The following ANKRD36C variants were observed in gnomAD, a reference collection of about 807,000 sequenced individuals.
The protein encoded by ANKRD36C is ankyrin repeat domain-containing protein 36C.
Under a neutral mutation model 276.4 loss-of-function variants are expected in ANKRD36C, and 61 were observed. The observed-to-expected ratio is 0.22, with a 90% CI of 0.18 to 0.27. The LOEUF is 0.27. Among genes scored for constraint, ANKRD36C ranks in the 10% least tolerant of loss-of-function variants. The pLI is 1.00. For missense variants in ANKRD36C, 1,447 were observed against 2,032.3 expected, an observed-to-expected ratio of 0.71 and a Z score of 5.54; for synonymous variants, 483 against 680.1, an observed-to-expected ratio of 0.71 and a Z score of 4.51.
At chr2:95,983,044 G>A (rs1249467659) in intron 3 of ANKRD36C, among the ~76,000 whole-genome samples, 7 of 151,708 alleles carry the variant, frequency 4.6e-5, no homozygotes, top group Admixed American at 2.0e-4. Flanking sequence ...CAGTAAAGGT[G>A]GAGGTTTCCT....
At chr2:95,858,688 T>C (rs1404201033) in intron 61 of ANKRD36C, among the ~76,000 whole-genome samples, 5 of 152,158 alleles carry the variant, frequency 3.3e-5, no homozygotes, top group Admixed American at 2.6e-4. Flanking sequence ...ATTTACATTG[T>C]AAGATAGCAT....
At chr2:95,946,364 T>A (rs1678050568) in intron 17 of ANKRD36C, among the ~76,000 whole-genome samples, 1 of 146,478 alleles carries the variant, frequency 6.8e-6, no homozygotes. Context: ...TGAGATACCA[T>A]CTCACACCAG....
intron 59 of ANKRD36C, 109 bp from the exon 80 acceptor site, chr2:95,867,690 T>G: frequency 2.0e-6 from 3 of 1,512,792 alleles, no homozygotes; most frequent in Non-Finnish European, 2.7e-6. Flanking sequence ...CAAACACAGG[T>G]ACCTGTTCTG....
chr2:95,966,956 C>T (rs1678604829), intron 6 of ANKRD36C, among the ~76,000 whole-genome samples: 1 of 152,022 alleles, frequency 6.6e-6, no homozygotes, highest in South Asian at 2.1e-4. Context: ...TGATTTAGTG[C>T]TCTATTACTG....
At chr2:95,959,668 C>A (rs867133072) in intron 10 of ANKRD36C, among the ~76,000 whole-genome samples, 1 of 152,166 alleles carries the variant, frequency 6.6e-6, no homozygotes, top group Admixed American at 6.5e-5. Flanking sequence ...TCATGTCATT[C>A]TCTAAAGTAT....
intron 42 of ANKRD36C, 101 bp from the exon 53 acceptor site, chr2:95,903,182 A>G (rs1676707738): frequency 6.6e-7 from 1 of 1,507,754 alleles, no homozygotes; most frequent in Admixed American, 2.0e-5. Flanking sequence ...TCCTGCCTGT[A>G]TTAGCGTAGG....
chr2:95,983,094 G>C (rs1004808003), intron 3 of ANKRD36C, among the ~76,000 whole-genome samples: 8 of 151,098 alleles, frequency 5.3e-5, no homozygotes, highest in Non-Finnish European at 1.0e-4. Context: ...TCTATCGATG[G>C]TGTGAGAATC....
At chr2:95,920,473 C>T (rs1445885129) in intron 34 of ANKRD36C, among the ~76,000 whole-genome samples, 1 of 132,414 alleles carries the variant, frequency 7.6e-6, no homozygotes, top group Admixed American at 7.9e-5. Flanking sequence ...TTGCTGATAC[C>T]TAGTAGATAA....
chr2:95,871,303 C>G (rs1265004027), intron 59 of ANKRD36C, among the ~76,000 whole-genome samples: 1 of 152,160 alleles, frequency 6.6e-6, no homozygotes, highest in Non-Finnish European at 1.5e-5. Flanking sequence ...GCCCATCAGA[C>G]TAACAGTGGA....
intron 3 of ANKRD36C, chr2:95,986,536 A>G: frequency 1.7e-6 from 1 of 573,310 alleles, no homozygotes; most frequent in Non-Finnish European, 2.9e-6. Flanking sequence ...TTGTATAATT[A>G]TTTACCATAA....
rs768944621 is a variant in ANKRD36C, at chr2:95,897,318, G to C, written c.2755+1827C>G. The C allele has an allele frequency of 1.0e-4, 157 of 1,545,064 alleles. 3 individuals are homozygous for C. Among genetic ancestry groups the C allele is most frequent in the African/African-American group, 8.7e-4 (63 of 72,488 alleles). The stretch of plus-strand genomic sequence containing the variant: ...TTTTTTCCTCTGGCTATATTCAAAA[G>C]AGAATCTTTCTCATCTCTTGTAGCC... On this transcript the variant is annotated intron_variant, in intron 44 of 66. Transcript: ENST00000456556.
chr2:95,855,844 C>T lies in ANKRD36C; in HGVS notation c.4417G>A (p.Ala1473Thr), dbSNP rs1199573618. ...CTTTGATCATGATCACATAGAGCAG[C>T]ATTCAGTCTACAACGGTATGATTGC... Residue 1473 changes from alanine (A) to threonine (T), a missense_variant, in exon 63 of 67, where the codon GCT becomes ACT. Physicochemically the swap from Ala to Thr is moderately conservative, Grantham distance 58 (BLOSUM62 0). This residue lies in a region of ANKRD36C where 437 missense variants were observed against 641.0 expected (regional missense o/e 0.68). Coordinates refer to ENST00000456556, the Ensembl canonical transcript of ANKRD36C. 5 of 1,613,772 alleles carry T rather than the reference C, an allele frequency of 3.1e-6. No homozygotes were observed. In the African/African-American group the frequency reaches 6.7e-5, roughly 22 times the overall value.
chr2:95,857,362 C>A lies in ANKRD36C; in HGVS notation c.4027G>T (p.Ala1343Ser), dbSNP rs774074152. ...AATTCCACCTCTGCTGATTTGAGAG[C>A]CGGTTTAATTGGTTTTGTCACATCA... is the stretch of plus-strand genomic sequence containing the variant. The change falls in exon 62 of 67, where the codon GCT becomes TCT. Residue 1343 changes from alanine (A) to serine (S), a missense_variant. By Grantham distance (99) the Ala-to-Ser change is moderately conservative (BLOSUM62 1). This residue lies in a region of ANKRD36C where 437 missense variants were observed against 641.0 expected (regional missense o/e 0.68). Transcript: ENST00000456556. 21 of 1,607,838 alleles carry A rather than the reference C, an allele frequency of 1.3e-5. 1 individual carries two copies. The highest frequency in any genetic ancestry group is 8.0e-5 in the African/African-American group (6 of 74,664).
At chr2:95,938,534 T>C (rs79109702) in intron 22 of ANKRD36C, among the ~76,000 whole-genome samples, 30 of 151,694 alleles carry the variant, frequency 2.0e-4, no homozygotes, top group Non-Finnish European at 2.1e-4. Context: ...ACTGAAAATA[T>C]TTAGTGTCAA....
intron 12 of ANKRD36C, 111 bp downstream of exon 12, chr2:95,958,480 C>G (rs1678382224): frequency 1.4e-6 from 2 of 1,383,254 alleles, no homozygotes; most frequent in East Asian, 2.5e-5. Flanking sequence ...ATCTCAGGCC[C>G]GCTGAATCAG....
chr2:95,988,150 CAA>C (rs201835162), intron 1 of ANKRD36C, among the ~76,000 whole-genome samples: 8 of 105,392 alleles, frequency 7.6e-5, no homozygotes, highest in Admixed American at 2.7e-4. Flanking sequence ...AAAAAGAAGG[CAA>C]AAAAAAAAAA....
chr2:95,984,410 G>C (rs1379542006), intron 3 of ANKRD36C, among the ~76,000 whole-genome samples: 2 of 152,188 alleles, frequency 1.3e-5, no homozygotes, highest in Admixed American at 1.3e-4. Flanking sequence ...CTGTGCACGA[G>C]TCTCCTAAAC....
intron 44 of ANKRD36C, among the ~76,000 whole-genome samples, chr2:95,894,620 A>C (rs1390454845): frequency 2.6e-5 from 4 of 151,436 alleles, no homozygotes; most frequent in Admixed American, 2.6e-4. Flanking sequence ...GTTTCATTAA[A>C]CAGCTATTTT....
chr2:95,915,085 T>G (rs201245754), intron 38 of ANKRD36C, among the ~76,000 whole-genome samples: 1 of 151,586 alleles, frequency 6.6e-6, no homozygotes, highest in African/African-American at 2.4e-5. Flanking sequence ...CAGAAATCAT[T>G]CCAGTATTCA....
Sources: allele counts gnomAD v4.1 joint callset (sites outside exome capture counted in the v4.1 genomes callset), GRCh38; gene constraint gnomAD v4.1.1; regional missense constraint gnomAD v4.1.1; transcripts MANE v1.5; gene names NCBI Gene and HGNC (gene_info 2026-07-23, HGNC 2026-07-21).